Variants in P3H3 observed in about 807,000 individuals in gnomAD.
P3H3 encodes the protein prolyl 3-hydroxylase 3, also known as gene rich cluster, B.
P3H3 carries 64 observed loss-of-function variants against 78.1 expected under a neutral mutation model. That is an observed-to-expected ratio of 0.82 (90% confidence interval 0.67 to 1.01). P3H3 has a LOEUF of 1.01. Among genes scored for constraint, P3H3 ranks in the 50% least tolerant of loss-of-function variants. P3H3 has a pLI of 0.00. For missense variants in P3H3, 975 were observed against 982.2 expected (o/e 0.99, Z 0.10); for synonymous variants, 425 against 416.7 (o/e 1.02, Z -0.24).
chr12:6,839,655 C>T lies in P3H3; in HGVS notation c.*194C>T. 1.4e-6 allele frequency: 1 copy of T among 731,304 alleles called. No homozygotes were observed. The highest frequency in any genetic ancestry group is 1.8e-5 in the African/African-American group (1 of 56,510). The allele number at this position is 731,304 out of a possible 1,614,324, so 45.3% of individuals were successfully genotyped here. Reference sequence around the variant, plus strand: ...GTGCACAGGCTAGCCTGGAGCTCACCAGGCCTGGGGAGCTGGGACGGGGCC... The same window carrying T: ...GTGCACAGGCTAGCCTGGAGCTCACTAGGCCTGGGGAGCTGGGACGGGGCC... On this transcript the variant is annotated 3_prime_UTR_variant, in exon 15 of 15. Coordinates refer to ENST00000290510, the MANE Select transcript of P3H3 (RefSeq NM_014262.5).
chr12:6,834,006 T>G lies in P3H3; in HGVS notation c.1415T>G (p.Leu472Arg). The change falls in exon 9 of 15, where the codon CTG becomes CGG. Residue 472 changes from leucine to arginine, a missense_variant. By Grantham distance (102) the Leu-to-Arg change is moderately radical. Transcript: ENST00000290510. ...TCGGAGCGGGCGGTGTTGGATGGGC[T>G]GCTCACCCCAGCCGAGTGTGGGGTG... ...NGSERAVLDG[L>R]LTPAECGVLL... 6.2e-7 allele frequency: 1 copy of G among 1,613,846 alleles called. No individual in the cohort carries two copies.
intron 10 of P3H3, 56 bp from the exon 11 acceptor site, chr12:6,837,367 G>T: frequency 6.4e-7 from 1 of 1,562,188 alleles, no homozygotes; most frequent in South Asian, 1.2e-5. Context: ...GGCTAGGGCC[G>T]AGACCACCCT....
rs981648117 is a variant in P3H3 at position 6,838,193 on chromosome 12, A to T, written c.1905+160A>T. The T allele has an allele frequency of 7.0e-5, 67 of 963,402 alleles. No homozygotes were observed. In the East Asian group the frequency reaches 1.7e-3, roughly 25 times the overall value. 59.7% of individuals were successfully genotyped at this position (963,402 alleles called of 1,614,324 possible). On this transcript the variant is annotated intron_variant, in intron 13 of 14. Transcript: ENST00000290510. Reference sequence around the variant, plus strand: ...CCCTCCCGCTGCTTCCTCCGTAGCAAGGTCTCTAAGTGGCCGAATCAACCC... The same window carrying T: ...CCCTCCCGCTGCTTCCTCCGTAGCATGGTCTCTAAGTGGCCGAATCAACCC...
chr12:6,831,400 A>G lies in P3H3; in HGVS notation c.1122+48A>G. The G allele has an allele frequency of 6.2e-7, 1 of 1,608,706 alleles. No homozygotes were observed. Among genetic ancestry groups the G allele is most frequent in the Non-Finnish European group, 8.5e-7 (1 of 1,178,560 alleles). On this transcript the variant is annotated intron_variant, in intron 5 of 14. Coordinates refer to ENST00000290510, the MANE Select transcript of P3H3 (RefSeq NM_014262.5). The surrounding 1 kb of genome is among the most constrained non-coding windows in gnomAD (Gnocchi z 4.6). ...CTGGGAGGTAGCCCCAAATCAAACA[A>G]ATAGACCTGAGAAGTAACCTGGACC...
rs2137967881 is a variant in P3H3 at position 6,837,570 on chromosome 12, G to A, written c.1708G>A (p.Glu570Lys). 6.2e-7 allele frequency: 1 copy of A among 1,612,054 alleles called. No individual in the cohort carries two copies. Among genetic ancestry groups the A allele is most frequent in the East Asian group, 2.2e-5 (1 of 44,754 alleles). Residue 570 changes from glutamate to lysine, a missense_variant, in exon 11 of 15, where the codon GAA becomes AAA. Glu to Lys is a moderately conservative substitution (Grantham distance 56). Coordinates refer to ENST00000290510, the MANE Select transcript of P3H3 (RefSeq NM_014262.5). ...CCACCTGGTGTGCCGCAGCGCCATAGAAGGTACGACAGGGACCCCCCACTG... is the reference window on the plus strand; with the variant it reads ...CCACCTGGTGTGCCGCAGCGCCATAAAAGGTACGACAGGGACCCCCCACTG... ...FTHLVCRSAI[E>K]GEQEQRMDLS...
intron 9 of P3H3, 147 bp downstream of exon 9, chr12:6,834,196 G>T (rs782526910): frequency 1.6e-6 from 2 of 1,223,806 alleles, no homozygotes; most frequent in African/African-American, 1.5e-5. Flanking sequence ...CTGTGGATAA[G>T]TTCCGTCTCG....
intron 6 of P3H3, among the ~76,000 whole-genome samples, chr12:6,832,261 CTCT>C (rs1943457289): frequency 6.6e-6 from 1 of 152,200 alleles, no homozygotes. Flanking sequence ...GCTTTTATTT[CTCT>C]TCTTGTAGTT....
Position 6,831,870 on chromosome 12 carries a change from C to A in P3H3, c.1168C>A (p.Leu390Ile). Reference protein sequence around the residue: ...ILRSLGEKRQLYYAMEHLGTS... With the variant: ...ILRSLGEKRQIYYAMEHLGTS... ...CCGATCCCTGGGGGAGAAGAGGCAG[C>A]TCTACTATGCCATGGAGCACCTGGG... Residue 390 changes from leucine (L) to isoleucine (I), a missense_variant, in exon 6 of 15, where the codon CTC becomes ATC. Physicochemically the swap from Leu to Ile is conservative, Grantham distance 5. Transcript: ENST00000290510. The surrounding 1 kb of genome is among the most constrained non-coding windows in gnomAD (Gnocchi z 4.6). 1 of 1,608,980 alleles carries A rather than the reference C, an allele frequency of 6.2e-7. No individual in the cohort carries two copies. Among genetic ancestry groups the A allele is most frequent in the Non-Finnish European group, 8.5e-7 (1 of 1,177,176 alleles).
At position 6,828,460 on chromosome 12, in the gene P3H3, CGCT is replaced by C; in HGVS notation, c.27_29del (p.Leu14del). ...GACATCATGCTCCGGCTCCTCCGGC[CGCT>C]GCTGCTACTGCTGCTGCTGCCTCCC... On this transcript the variant is annotated inframe_deletion, in exon 1 of 15. Transcript: ENST00000290510. 2.6e-6 allele frequency: 3 copies of C among 1,155,744 alleles called. No homozygotes were observed. Among genetic ancestry groups the C allele is most frequent in the Non-Finnish European group, 3.6e-6 (3 of 840,206 alleles). The allele number at this position is 1,155,744 out of a possible 1,614,324, so 71.6% of individuals were successfully genotyped here.
intron 10 of P3H3, 49 bp from the exon 11 acceptor site, chr12:6,837,374 C>A (rs1297247590): frequency 1.0e-5 from 16 of 1,574,206 alleles, no homozygotes; most frequent in African/African-American, 2.7e-5. Context: ...GCCGAGACCA[C>A]CCTCCCCTTG....
Position 6,831,847 on chromosome 12 carries a change from G to A in P3H3, c.1145G>A (p.Arg382Gln), listed in dbSNP as rs781839925. 22 of 1,607,374 alleles carry A rather than the reference G, an allele frequency of 1.4e-5. No individual in the cohort carries two copies. The highest frequency in any genetic ancestry group is 5.4e-5 in the African/African-American group (4 of 74,758). The change falls in exon 6 of 15, where the codon CGA (arginine) becomes CAA (glutamine). Residue 382 changes from arginine (R) to glutamine (Q), a missense_variant. By Grantham distance (43) the Arg-to-Gln change is conservative (BLOSUM62 1). Transcript: ENST00000290510. This position sits in a 1 kb window ranked among gnomAD's most constrained non-coding sequence, Gnocchi z 4.6. ...PREDIQRFIL[R>Q]SLGEKRQLYY... ...CAGGACATCCAGCGCTTCATCCTCC[G>A]ATCCCTGGGGGAGAAGAGGCAGCTC...
At chr12:6,839,181 G>C (rs374672216) in intron 14 of P3H3, 41 bp downstream of exon 14, 1 of 1,578,284 alleles carries the variant, frequency 6.3e-7, no homozygotes, top group Admixed American at 1.8e-5. Context: ...CTCCTGGTGC[G>C]TGAAGGGTGG....
At chr12:6,833,326 T>A (rs1943467268) in intron 6 of P3H3, 3 of 517,654 alleles carry the variant, frequency 5.8e-6, no homozygotes, top group African/African-American at 1.9e-5. Flanking sequence ...GAGACTGTTG[T>A]GAACTTTAAA....
chr12:6,830,652 G>C lies in P3H3; in HGVS notation c.867G>C (p.Gln289His). 6.2e-7 allele frequency: 1 copy of C among 1,612,508 alleles called. No homozygotes were observed. Among genetic ancestry groups the C allele is most frequent in the East Asian group, 2.2e-5 (1 of 44,860 alleles). Residue 289 changes from glutamine to histidine, a missense_variant, in exon 4 of 15, where the codon CAG (glutamine) becomes CAC (histidine). By Grantham distance (24) the Gln-to-His change is conservative. Coordinates refer to ENST00000290510, the MANE Select transcript of P3H3 (RefSeq NM_014262.5). ...TTTCCTCTGCAGGACACTGGATTCA[G>C]GTCCTGCAGTGCCGGCAACGCTGTG... is the stretch of plus-strand genomic sequence containing the variant. ...LYEAIAGHWIQVLQCRQRCVG... is the reference protein window; with the variant it reads ...LYEAIAGHWIHVLQCRQRCVG...
Position 6,839,311 on chromosome 12 carries a change from C to A in P3H3, c.2061C>A (p.Ala687=). 6.4e-7 allele frequency: 1 copy of A among 1,553,186 alleles called. No individual in the cohort carries two copies. The highest frequency in any genetic ancestry group is 2.0e-5 in the Admixed American group (1 of 51,064). ...PEHREQEWIE[A]KELLQESQEE... ...CCCAACCCCAGGAGTGGATAGAAGC[C>A]AAAGAACTGCTGCAGGAGTCACAGG... is the stretch of plus-strand genomic sequence containing the variant. The change falls in exon 15 of 15, where the codon GCC becomes GCA. Residue 687 remains alanine (A), a synonymous_variant. Coordinates refer to ENST00000290510, the MANE Select transcript of P3H3 (RefSeq NM_014262.5).
At position 6,830,614 on chromosome 12, in the gene P3H3, A is replaced by T. The variant is rs782025523; in HGVS notation, c.854-25A>T. 3 of 1,601,490 alleles carry T rather than the reference A, an allele frequency of 1.9e-6. No homozygotes were observed. In the East Asian group the frequency reaches 6.7e-5, roughly 36 times the overall value. On this transcript the variant is annotated intron_variant, in intron 3 of 14. Coordinates refer to ENST00000290510, the MANE Select transcript of P3H3 (RefSeq NM_014262.5). ...CCCAGGGAGGGGCATGAACAAGCTG[A>T]ATGGCTTATGGGTTTCCTCTGCAGG... is the stretch of plus-strand genomic sequence containing the variant.
chr12:6,831,426 C>T lies in P3H3; in HGVS notation c.1122+74C>T. On this transcript the variant is annotated intron_variant, in intron 5 of 14. Transcript: ENST00000290510. This position sits in a 1 kb window ranked among gnomAD's most constrained non-coding sequence, Gnocchi z 4.6. Reference sequence around the variant, plus strand: ...ATAGACCTGAGAAGTAACCTGGACCCCCACCCCCCGCTGGCCTCTTACCCG... The same window carrying T: ...ATAGACCTGAGAAGTAACCTGGACCTCCACCCCCCGCTGGCCTCTTACCCG... 1.3e-6 allele frequency: 2 copies of T among 1,583,202 alleles called. No individual in the cohort carries two copies. Among genetic ancestry groups the T allele is most frequent in the Non-Finnish European group, 1.7e-6 (2 of 1,166,866 alleles).
In P3H3 at chr12:6,828,407, G is replaced by T; in HGVS notation, c.-34G>T. 6.2e-6 allele frequency: 1 copy of T among 161,570 alleles called. No individual in the cohort carries two copies. Among genetic ancestry groups the T allele is most frequent in the Non-Finnish European group, 1.1e-5 (1 of 88,044 alleles). The allele number at this position is 161,570 out of a possible 1,614,324, so 10.0% of individuals were successfully genotyped here. ...TTCCTCTCCCTCCCTCTCGGCTCCC[G>T]CATTTCCCCTCGGCTGCCGGCGGCT... On this transcript the variant is annotated 5_prime_UTR_variant, in exon 1 of 15. Coordinates refer to ENST00000290510, the MANE Select transcript of P3H3 (RefSeq NM_014262.5).
intron 10 of P3H3, 23 bp downstream of exon 10, chr12:6,837,109 C>A (rs782373360): frequency 6.4e-7 from 1 of 1,574,722 alleles, no homozygotes; most frequent in South Asian, 1.1e-5. Flanking sequence ...GGCACCCGGG[C>A]CCGTCTGATG....
Sources: allele counts gnomAD v4.1 joint callset (sites outside exome capture counted in the v4.1 genomes callset), GRCh38; gene constraint gnomAD v4.1.1; non-coding constraint Gnocchi (gnomAD v3.1); transcripts MANE v1.5; gene names NCBI Gene and HGNC (gene_info 2026-07-23, HGNC 2026-07-21).